IPO11: variants seen among roughly 807,000 people sequenced by gnomAD.
IPO11 encodes importin-11.
IPO11 carries 66 observed loss-of-function variants against 143.2 expected under a neutral mutation model. That is an observed-to-expected ratio of 0.46 (90% CI 0.38 to 0.57). The LOEUF (loss-of-function observed/expected upper bound fraction) is 0.57, where lower values mean the gene tolerates loss of function less well. Among genes scored for constraint, IPO11 ranks in the 20% least tolerant of loss-of-function variants. The probability of loss-of-function intolerance (pLI) is 0.00; values close to 1 mark genes in which losing one functional copy is unlikely to be tolerated. For missense variants in IPO11, 1,026 were observed against 1,141.0 expected (o/e 0.90, Z 1.45); for synonymous variants, 385 against 377.8 (o/e 1.02, Z -0.22).
chr5:62,417,585 A>G (rs1743347007), intron 1 of IPO11, among the ~76,000 whole-genome samples: 1 of 151,978 alleles, frequency 6.6e-6, no homozygotes, highest in Non-Finnish European at 1.5e-5. Flanking sequence ...ACCACTTTAG[A>G]TGTTTGACTC....
At chr5:62,417,505 C>T (rs918396212) in intron 1 of IPO11, among the ~76,000 whole-genome samples, 1 of 151,968 alleles carries the variant, frequency 6.6e-6, no homozygotes, top group Non-Finnish European at 1.5e-5. Context: ...ACTTCTGGGA[C>T]ACCATATTTT....
intron 27 of IPO11, chr5:62,579,019 C>A (rs1399546246): frequency 4.1e-6 from 1 of 241,092 alleles, no homozygotes; most frequent in Non-Finnish European, 8.3e-6. Flanking sequence ...TTTAATTGTT[C>A]TGTAGTGAAT....
intron 23 of IPO11, 92 bp downstream of exon 23, chr5:62,536,873 G>T (rs1181360563): frequency 1.6e-6 from 2 of 1,233,980 alleles, no homozygotes; most frequent in African/African-American, 3.2e-5. Flanking sequence ...AAAATTTTAA[G>T]ATTGGTCTGT....
At chr5:62,579,234 C>A (rs1003388292) in intron 27 of IPO11, among the ~76,000 whole-genome samples, 4 of 151,932 alleles carry the variant, frequency 2.6e-5, no homozygotes, top group African/African-American at 9.7e-5. Flanking sequence ...GTTAATAATT[C>A]TAGAACGTAT....
chr5:62,447,872 G>A (rs1014002884), intron 3 of IPO11, among the ~76,000 whole-genome samples: 8 of 151,958 alleles, frequency 5.3e-5, no homozygotes, highest in Admixed American at 2.0e-4. Context: ...CAGTCACCAC[G>A]CCCAGCTAAA....
At chr5:62,626,895 A>T (rs1746601601) in intron 29 of IPO11, among the ~76,000 whole-genome samples, 1 of 152,150 alleles carries the variant, frequency 6.6e-6, no homozygotes, top group African/African-American at 2.4e-5. Context: ...GCTTTAAATG[A>T]ATGAGTCCCC....
At chr5:62,586,708 G>A (rs1270955556) in intron 27 of IPO11, among the ~76,000 whole-genome samples, 34 of 131,092 alleles carry the variant, frequency 2.6e-4, no homozygotes, top group Non-Finnish European at 2.6e-4. Context: ...CTGAGATCAC[G>A]CCATTGCACC....
At chr5:62,452,013 C>A in intron 5 of IPO11, 80 bp downstream of exon 5, 1 of 1,101,566 alleles carries the variant, frequency 9.1e-7, no homozygotes, top group Non-Finnish European at 1.4e-6. Context: ...AATCTCAGCA[C>A]TTTGGGAGGC....
intron 16 of IPO11, among the ~76,000 whole-genome samples, chr5:62,502,176 T>A (rs1741367846): frequency 6.6e-6 from 1 of 152,222 alleles, no homozygotes. Context: ...GTCCAATGTT[T>A]CTTATGTCTT....
intron 1 of IPO11, among the ~76,000 whole-genome samples, chr5:62,433,491 A>G (rs6877630): frequency 0.017 from 2,574 of 152,340 alleles, 68 homozygotes; most frequent in African/African-American, 0.059. Flanking sequence ...TGTTTTAACA[A>G]TAAGAGTAGC....
chr5:62,531,285 C>A lies in IPO11; in HGVS notation c.2089+500C>A, dbSNP rs558220552. Reference sequence around the variant, plus strand: ...TTCAAACTACTGGACTGAAGCAACTCCTCTAGCTTCCTGAGTAGCTAGAGC... The same window carrying A: ...TTCAAACTACTGGACTGAAGCAACTACTCTAGCTTCCTGAGTAGCTAGAGC... On this transcript the variant is annotated intron_variant, in intron 22 of 29. Transcript: ENST00000325324. Among the ~76,000 whole-genome samples the A allele has an allele frequency of 8.5e-5, 13 of 152,296 alleles. 2 individuals are homozygous for A. The South Asian group carries it at 2.7e-3, about 32-fold the overall frequency.
intron 27 of IPO11, among the ~76,000 whole-genome samples, chr5:62,567,957 C>T (rs1167560976): frequency 1.3e-5 from 2 of 151,212 alleles, no homozygotes; most frequent in Non-Finnish European, 2.9e-5. Context: ...GTTTATTTTT[C>T]TCTTTTGATT....
At chr5:62,589,792 A>G (rs1256897912) in intron 27 of IPO11, among the ~76,000 whole-genome samples, 2 of 152,184 alleles carry the variant, frequency 1.3e-5, no homozygotes, top group Non-Finnish European at 2.9e-5. Context: ...ATATCTCATG[A>G]GATAGACTGA....
At chr5:62,530,474 A>G (rs891937930) in intron 21 of IPO11, among the ~76,000 whole-genome samples, 9 of 152,224 alleles carry the variant, frequency 5.9e-5, no homozygotes, top group Non-Finnish European at 1.0e-4. Context: ...GCAAGGGTCA[A>G]CTGTAGTTAC....
intron 8 of IPO11, among the ~76,000 whole-genome samples, chr5:62,476,235 A>C (rs1470319403): frequency 6.6e-6 from 1 of 152,208 alleles, no homozygotes; most frequent in Non-Finnish European, 1.5e-5. Flanking sequence ...AGAGCAGATT[A>C]GCTGATGAGC....
chr5:62,484,111 C>G lies in IPO11; in HGVS notation c.1123C>G (p.Leu375Val). ...ICRRLVSHYF[L>V]LTEEELTMWE... ...TAGAAGATTAGTCTCTCATTATTTC[C>G]TATTAACTGAAGAAGAACTGACAAT... Residue 375 changes from leucine to valine, a missense_variant, in exon 11 of 30, where the codon CTA (leucine) becomes GTA (valine). Physicochemically the swap from Leu to Val is conservative, Grantham distance 32 (BLOSUM62 1). Around this residue, in one of 5 missense-constraint regions of IPO11, gnomAD observed 429 missense variants for 456.3 expected, o/e 0.94. Transcript: ENST00000325324. The G allele has an allele frequency of 6.2e-7, 1 of 1,609,584 alleles. No homozygotes were observed. Among genetic ancestry groups the G allele is most frequent in the Non-Finnish European group, 8.5e-7 (1 of 1,178,502 alleles).
chr5:62,560,478 G>A (rs897392328), intron 26 of IPO11, among the ~76,000 whole-genome samples: 4 of 152,116 alleles, frequency 2.6e-5, no homozygotes, highest in East Asian at 1.9e-4. Context: ...TTTATTTAGC[G>A]TCAACTCATT....
chr5:62,479,880 C>G (rs1326579747), intron 9 of IPO11, among the ~76,000 whole-genome samples: 3 of 152,194 alleles, frequency 2.0e-5, no homozygotes, highest in Non-Finnish European at 4.4e-5. Context: ...TTCTCCCATT[C>G]TGTAGGTTGC....
At chr5:62,451,114 A>T (rs1389445405) in intron 4 of IPO11, among the ~76,000 whole-genome samples, 1 of 152,206 alleles carries the variant, frequency 6.6e-6, no homozygotes, top group Non-Finnish European at 1.5e-5. Flanking sequence ...AAACACTGAT[A>T]TGTAGAAATA....
Sources: allele counts gnomAD v4.1 joint callset (sites outside exome capture counted in the v4.1 genomes callset), GRCh38; gene constraint gnomAD v4.1.1; regional missense constraint gnomAD v4.1.1; transcripts MANE v1.5; gene names NCBI Gene and HGNC (gene_info 2026-07-23, HGNC 2026-07-21).